SETD1B: variants seen among roughly 807,000 people sequenced by gnomAD.
SETD1B encodes the protein histone-lysine N-methyltransferase SETD1B.
A neutral mutation model predicts 148.0 loss-of-function variants in SETD1B; 7 were observed. The observed-to-expected ratio is 0.05, with a 90% confidence interval of 0.03 to 0.09. The LOEUF (loss-of-function observed/expected upper bound fraction) is 0.09. Among genes scored for constraint, SETD1B ranks in the 10% least tolerant of loss-of-function variants. The pLI, the probability that SETD1B is intolerant of heterozygous loss-of-function variation, is 1.00. For synonymous variants in SETD1B, 1,361 were observed against 1,186.5 expected (o/e 1.15, Z -3.02); for missense variants, 2,155 against 2,729.9 (o/e 0.79, Z 4.69).
intron 13 of SETD1B, among the ~76,000 whole-genome samples, chr12:121,827,233 G>A (rs905671965): frequency 6.6e-6 from 1 of 152,162 alleles, no homozygotes; most frequent in African/African-American, 2.4e-5. Flanking sequence ...GTCTGGGTGA[G>A]AGCCAAGGAG....
chr12:121,797,489 AG>A, the SETD1B span: 70 of 456,568 alleles, frequency 1.5e-4, no homozygotes, highest in Non-Finnish European at 2.5e-4. Context: ...CAAAGAAAGA[AG>A]AGGGACCAAA....
rs775632913 is a variant in SETD1B at position 121,805,785 on chromosome 12, C to T, written c.274-50C>T. 4.3e-5 allele frequency: 65 copies of T among 1,515,710 alleles called. 1 individual carries two copies. In the South Asian group the frequency reaches 7.2e-4, roughly 17 times the overall value. 93.9% of individuals were successfully genotyped at this position (1,515,710 alleles called of 1,614,324 possible). On this transcript the variant is annotated intron_variant, in intron 3 of 16. Coordinates refer to ENST00000604567, the MANE Select transcript of SETD1B (RefSeq NM_001353345.2). This position sits in a 1 kb window ranked among gnomAD's most constrained non-coding sequence, Gnocchi z 4.2. ...GGGGCGGGGGGGATGTTGTGTTTTC[C>T]CTTAGGTTTAAACGTTCTTCAAACT...
intron 12 of SETD1B, 74 bp downstream of exon 12, chr12:121,823,823 C>A: frequency 1.4e-6 from 2 of 1,472,488 alleles, no homozygotes; most frequent in Non-Finnish European, 1.8e-6. Context: ...TGGGCCCCAC[C>A]ACCCAGTCTG....
rs1457069917 is a variant in SETD1B at position 121,831,929 on chromosome 12, C to G, written c.*1690C>G. 2 of 151,526 alleles carry G rather than the reference C, an allele frequency of 1.3e-5. No individual in the cohort carries two copies. Among genetic ancestry groups the G allele is most frequent in the African/African-American group, 2.4e-5 (1 of 41,222 alleles). The allele number at this position is 151,526 out of a possible 1,614,324, so 9.4% of individuals were successfully genotyped here. On this transcript the variant is annotated 3_prime_UTR_variant, in exon 17 of 17. Transcript: ENST00000604567. ...TTTATTCCTTTCCCCCAGGCCCTCT[C>G]TATTTGAGACTGTGCCCGCCGGTTT...
At chr12:121,827,484 C>T in intron 13 of SETD1B, 35 bp from the exon 14 acceptor site, 1 of 1,503,168 alleles carries the variant, frequency 6.7e-7, no homozygotes, top group Non-Finnish European at 8.9e-7. Flanking sequence ...AGGACACGGC[C>T]AGCTCCGCTG....
intron 10 of SETD1B, 110 bp downstream of exon 10, chr12:121,818,014 G>A: frequency 8.8e-7 from 1 of 1,141,292 alleles, no homozygotes; most frequent in Non-Finnish European, 1.2e-6. Flanking sequence ...GTGCTTTTGA[G>A]ACGTTACCTT....
intron 4 of SETD1B, among the ~76,000 whole-genome samples, chr12:121,806,934 G>A (rs1227935017): frequency 6.6e-6 from 1 of 152,172 alleles, no homozygotes; most frequent in East Asian, 1.9e-4. Context: ...TATAAAAGAA[G>A]GTGCCGAGTG....
chr12:121,795,379 G>T, the SETD1B span: 1 of 152,364 alleles, frequency 6.6e-6, no homozygotes, highest in African/African-American at 2.4e-5. Context: ...ACCCTTTACT[G>T]AAGGCTGAGC....
chr12:121,790,213 G>A, the SETD1B span, among the ~76,000 whole-genome samples: 26 of 152,262 alleles, frequency 1.7e-4, no homozygotes, highest in South Asian at 6.2e-4. Flanking sequence ...CAGGACCAGC[G>A]TTTGGTCCTG....
intron 11 of SETD1B, among the ~76,000 whole-genome samples, chr12:121,821,170 T>G (rs1236115329): frequency 6.6e-6 from 1 of 152,222 alleles, no homozygotes; most frequent in African/African-American, 2.4e-5. Context: ...GACTCAATAC[T>G]AAGCCTCTAT....
Position 121,805,719 on chromosome 12 carries a change from T to TAA in SETD1B, c.274-116_274-115insAA, listed in dbSNP as rs1875709354. 3.0e-6 allele frequency: 3 copies of TAA among 1,001,156 alleles called. No individual in the cohort carries two copies. The South Asian group carries it at 8.0e-5, about 27-fold the overall frequency. The allele number at this position is 1,001,156 out of a possible 1,614,324, so 62.0% of individuals were successfully genotyped here. ...TTTTTTTTTTTTAATTTTTAGTTTT[T>TAA]TTACCCTTTATTGTTTTCAACGGGT... On this transcript the variant is annotated intron_variant, in intron 3 of 16. Transcript: ENST00000604567. This position sits in a 1 kb window ranked among gnomAD's most constrained non-coding sequence, Gnocchi z 4.2.
chr12:121,805,691 T>TTTTTTTTTTTTTCCAAAAAAAA lies in SETD1B; in HGVS notation c.274-132_274-131insCCAAAAAAAATTTTTTTTTTTT. 3.6e-5 allele frequency: 1 copy of TTTTTTTTTTTTTCCAAAAAAAA among 27,458 alleles called. No individual in the cohort carries two copies. The highest frequency in any genetic ancestry group is 5.6e-5 in the Non-Finnish European group (1 of 17,898). 1.7% of individuals were successfully genotyped at this position (27,458 alleles called of 1,614,324 possible). Reference sequence around the variant, plus strand: ...TGCATTTTTTTTTTCCAAAAAAAATTTTTTTTTTTTTTTTAATTTTTAGTT... The same window carrying TTTTTTTTTTTTTCCAAAAAAAA: ...TGCATTTTTTTTTTCCAAAAAAAATTTTTTTTTTTTTTCCAAAAAAAATTTTTTTTTTTTTTAATTTTTAGTT... On this transcript the variant is annotated intron_variant, in intron 3 of 16. Transcript: ENST00000604567. This position sits in a 1 kb window ranked among gnomAD's most constrained non-coding sequence, Gnocchi z 4.2.
At position 121,804,811 on chromosome 12, in the gene SETD1B, G is replaced by A. The variant is rs954297627; in HGVS notation, c.74G>A (p.Arg25Lys). Reference protein sequence around the residue: ...PPQPGPSGERRNHHWRSYKLM... With the variant: ...PPQPGPSGERKNHHWRSYKLM... Reference sequence around the variant, plus strand: ...CAGCCCGGCCCTTCGGGCGAGAGGAGGAACCACCATTGGAGAAGTTACAAG... The same window carrying A: ...CAGCCCGGCCCTTCGGGCGAGAGGAAGAACCACCATTGGAGAAGTTACAAG... Residue 25 changes from arginine (R) to lysine (K), a missense_variant, in exon 2 of 17, where the codon AGG becomes AAG. Coordinates refer to ENST00000604567, the MANE Select transcript of SETD1B (RefSeq NM_001353345.2). This position sits in a 1 kb window ranked among gnomAD's most constrained non-coding sequence, Gnocchi z 4.6. 5.2e-6 allele frequency: 8 copies of A among 1,550,854 alleles called. No individual in the cohort carries two copies. The African/African-American group carries it at 8.2e-5, about 16-fold the overall frequency.
At chr12:121,828,838 G>A (rs1876962237) in intron 16 of SETD1B, among the ~76,000 whole-genome samples, 1 of 152,228 alleles carries the variant, frequency 6.6e-6, no homozygotes, top group Admixed American at 6.5e-5. Flanking sequence ...CACATAGGTG[G>A]GTCACTGCAC....
At position 121,823,475 on chromosome 12, in the gene SETD1B, C is replaced by T. The variant is rs999663142; in HGVS notation, c.4896C>T (p.Tyr1632=). 1 of 1,550,364 alleles carries T rather than the reference C, an allele frequency of 6.5e-7. No individual in the cohort carries two copies. Among genetic ancestry groups the T allele is most frequent in the African/African-American group, 1.4e-5 (1 of 72,994 alleles). The change falls in exon 12 of 17, where the codon TAC becomes TAT. Residue 1632 remains tyrosine, a synonymous_variant. Coordinates refer to ENST00000604567, the MANE Select transcript of SETD1B (RefSeq NM_001353345.2). Reference sequence around the variant, plus strand: ...GGCGCGATGAGGTCACTGAGGAATACATGGAGTTGGCCAAGAGCCGGGGGC... The same window carrying T: ...GGCGCGATGAGGTCACTGAGGAATATATGGAGTTGGCCAAGAGCCGGGGGC... ...PRGRDEVTEE[Y]MELAKSRGPW... is the part of the protein sequence containing the mutation.
chr12:121,792,492 G>T, the SETD1B span, among the ~76,000 whole-genome samples: 2 of 152,238 alleles, frequency 1.3e-5, no homozygotes, highest in African/African-American at 2.4e-5. Flanking sequence ...TGGGGCCCCT[G>T]CCCCCAGTGC....
chr12:121,824,154 A>G (rs1876724989), intron 12 of SETD1B, among the ~76,000 whole-genome samples: 1 of 152,204 alleles, frequency 6.6e-6, no homozygotes, highest in African/African-American at 2.4e-5. Flanking sequence ...AGGCTCAGAG[A>G]GGTTCAGTGA....
chr12:121,797,905 G>A, the SETD1B span: 35 of 326,910 alleles, frequency 1.1e-4, no homozygotes, highest in African/African-American at 7.2e-4. Flanking sequence ...CTTGGGCAGC[G>A]GGGAGTCTGG....
chr12:121,810,004 G>T lies in SETD1B; in HGVS notation c.1059G>T (p.Pro353=). The change falls in exon 6 of 17, where the codon CCG becomes CCT. Residue 353 remains proline, a synonymous_variant. Coordinates refer to ENST00000604567, the MANE Select transcript of SETD1B (RefSeq NM_001353345.2). The surrounding 1 kb of genome is among the most constrained non-coding windows in gnomAD (Gnocchi z 7.6). ...TAAFRGSSDL[P]FGAVGGTGGS... is the part of the protein sequence containing the mutation. ...CTTTCCGGGGTTCCTCGGACCTCCC[G>T]TTCGGAGCAGTCGGCGGCACTGGGG... 2 of 1,550,608 alleles carry T rather than the reference G, an allele frequency of 1.3e-6. No homozygotes were observed. The highest frequency in any genetic ancestry group is 1.7e-6 in the Non-Finnish European group (2 of 1,146,948).
Sources: gnomAD v4.1 joint callset for allele counts (sites outside exome capture counted in the v4.1 genomes callset) on GRCh38, gnomAD v4.1.1 for gene constraint, Gnocchi (gnomAD v3.1) non-coding constraint, MANE v1.5 for transcripts, NCBI Gene and HGNC (gene_info 2026-07-23, HGNC 2026-07-21) for gene names.